The following CTNNA3 variants were observed in gnomAD, a reference collection of about 807,000 sequenced individuals.
CTNNA3 encodes the protein catenin alpha 3, also known as catenin alpha-3.
Under a neutral mutation model 95.7 loss-of-function variants are expected in CTNNA3, and 76 were observed. That is an observed-to-expected ratio of 0.79 (90% CI 0.66 to 0.96). The LOEUF is 0.96. Ranked by LOEUF, CTNNA3 falls within the 40% of genes least tolerant of loss-of-function variation. The pLI, the probability that CTNNA3 is intolerant of heterozygous loss-of-function variation, is 0.00. For missense variants in CTNNA3, 1,191 were observed against 1,089.8 expected, an observed-to-expected ratio of 1.09 and a Z score of -1.31; for synonymous variants, 431 against 374.4, an observed-to-expected ratio of 1.15 and a Z score of -1.74.
intron 7 of CTNNA3, among the ~76,000 whole-genome samples, chr10:66,805,933 T>A (rs902442250): frequency 2.0e-5 from 3 of 152,042 alleles, no homozygotes; most frequent in Admixed American, 6.6e-5. Context: ...CCAAGGAAGT[T>A]TTTTCAGCTT....
intron 10 of CTNNA3, among the ~76,000 whole-genome samples, chr10:66,536,481 CAA>C (rs10676331): frequency 2.6e-5 from 3 of 116,182 alleles, no homozygotes; most frequent in East Asian, 3.4e-4. Flanking sequence ...GACTCTGTCT[CAA>C]AAAAAAAAAA....
chr10:66,685,475 C>T (rs1847263604), intron 9 of CTNNA3, among the ~76,000 whole-genome samples: 1 of 142,716 alleles, frequency 7.0e-6, no homozygotes, highest in Non-Finnish European at 1.5e-5. Flanking sequence ...CGGGTTCTCG[C>T]CATTCTCCTG....
chr10:66,978,552 A>AAATAAAAAAAAAATATATATATATAT, intron 7 of CTNNA3, among the ~76,000 whole-genome samples: 15 of 37,870 alleles, frequency 4.0e-4, no homozygotes, highest in African/African-American at 8.7e-4. Flanking sequence ...AAAAAAAAAA[A>AAATAAAAAAAAAATATATATATATAT]ATATATATAT....
At chr10:66,368,450 T>C (rs2132454716) in intron 12 of CTNNA3, among the ~76,000 whole-genome samples, 1 of 152,170 alleles carries the variant, frequency 6.6e-6, no homozygotes, top group South Asian at 2.1e-4. Flanking sequence ...CCCATGCATT[T>C]GCCATTAAGA....
At chr10:67,428,658 G>A (rs1846001355) in intron 5 of CTNNA3, among the ~76,000 whole-genome samples, 1 of 151,998 alleles carries the variant, frequency 6.6e-6, no homozygotes, top group African/African-American at 2.4e-5. Context: ...GGATTTGTCT[G>A]TGTGGGTGTT....
At chr10:66,978,252 G>T (rs979710021) in intron 7 of CTNNA3, among the ~76,000 whole-genome samples, 1 of 151,892 alleles carries the variant, frequency 6.6e-6, no homozygotes, top group East Asian at 1.9e-4. Context: ...TGGGCCAAGT[G>T]CACTGGCTCA....
At chr10:65,965,750 C>G (rs1362091973) in intron 17 of CTNNA3, among the ~76,000 whole-genome samples, 1 of 151,894 alleles carries the variant, frequency 6.6e-6, no homozygotes, top group Non-Finnish European at 1.5e-5. Context: ...ATTACATCCT[C>G]TTTCAGAACA....
chr10:67,235,668 T>A (rs1865418645), intron 5 of CTNNA3, among the ~76,000 whole-genome samples: 1 of 142,034 alleles, frequency 7.0e-6, no homozygotes, highest in Non-Finnish European at 1.5e-5. Context: ...ACAAATGGGA[T>A]CTAATTAAAC....
chr10:66,927,626 A>G lies in CTNNA3; in HGVS notation c.1048-152102T>C, dbSNP rs1390151118. On this transcript the variant is annotated intron_variant, in intron 7 of 17. Coordinates refer to ENST00000433211, the MANE Select transcript of CTNNA3 (RefSeq NM_013266.4). This position sits in a 1 kb window ranked among gnomAD's most constrained non-coding sequence, Gnocchi z 4.7. ...GTCAGCCTTCAGAACCTTTACTTGC[A>G]GTGGAATAAAATCAGTGTCATAGGA... The G allele has an allele frequency of 1.2e-6, 2 of 1,614,072 alleles. No homozygotes were observed. Among genetic ancestry groups the G allele is most frequent in the African/African-American group, 2.7e-5 (2 of 74,940 alleles).
chr10:67,073,135 A>G (rs917874573), intron 7 of CTNNA3, among the ~76,000 whole-genome samples: 2 of 152,204 alleles, frequency 1.3e-5, no homozygotes, highest in African/African-American at 4.8e-5. Context: ...TCCCTTCTGA[A>G]ATTTTAGTTC....
intron 12 of CTNNA3, among the ~76,000 whole-genome samples, chr10:66,331,814 A>G (rs1287037617): frequency 3.9e-5 from 6 of 151,938 alleles, no homozygotes; most frequent in Non-Finnish European, 8.8e-5. Flanking sequence ...TGAACTTTAA[A>G]GTAGTTTTTT....
chr10:66,653,414 C>T (rs1325112052), intron 9 of CTNNA3, among the ~76,000 whole-genome samples: 1 of 151,442 alleles, frequency 6.6e-6, no homozygotes, highest in Admixed American at 6.6e-5. Flanking sequence ...AGGTAAAAGA[C>T]CTGTGGATTG....
chr10:66,926,380 T>C, intron 7 of CTNNA3: 1 of 662,290 alleles, frequency 1.5e-6, no homozygotes, highest in South Asian at 1.8e-5. Flanking sequence ...AATGCGGTGT[T>C]GGGATTTATT....
intron 7 of CTNNA3, among the ~76,000 whole-genome samples, chr10:67,089,648 C>T (rs1284444487): frequency 6.6e-6 from 1 of 151,688 alleles, no homozygotes; most frequent in Non-Finnish European, 1.5e-5. Flanking sequence ...CCTCATTTGG[C>T]ACACATAAAG....
intron 11 of CTNNA3, among the ~76,000 whole-genome samples, chr10:66,493,900 G>C (rs1840013356): frequency 1.4e-5 from 2 of 142,358 alleles, no homozygotes; most frequent in African/African-American, 5.4e-5. Context: ...CCACTGCGCC[G>C]GCCTTTTTTT....
intron 10 of CTNNA3, among the ~76,000 whole-genome samples, chr10:66,544,939 C>A (rs1841990741): frequency 6.6e-6 from 1 of 152,118 alleles, no homozygotes; most frequent in South Asian, 2.1e-4. Flanking sequence ...TGTAACAAAC[C>A]ATTATCTTCT....
At position 66,331,251 on chromosome 10, in the gene CTNNA3, T is replaced by C. The variant is rs562857064; in HGVS notation, c.1732+47901A>G. On this transcript the variant is annotated intron_variant, in intron 12 of 17. Coordinates refer to ENST00000433211, the MANE Select transcript of CTNNA3 (RefSeq NM_013266.4). Reference sequence around the variant, plus strand: ...CTTGAATTAATTTGTGTATAAGGTGTAAGGAAGGGATCCAGTTTTAGCTTT... The same window carrying C: ...CTTGAATTAATTTGTGTATAAGGTGCAAGGAAGGGATCCAGTTTTAGCTTT... 6.3e-4 allele frequency among the ~76,000 whole-genome samples: 96 copies of C among 151,630 alleles called. 1 individual carries two copies. Among genetic ancestry groups the C allele is most frequent in the Non-Finnish European group, 1.0e-3 (70 of 67,886 alleles).
intron 13 of CTNNA3, among the ~76,000 whole-genome samples, chr10:66,236,828 A>G (rs543846411): frequency 1.4e-5 from 2 of 145,154 alleles, no homozygotes; most frequent in South Asian, 4.3e-4. Context: ...AAAAGCCTCA[A>G]ATACAGCCAG....
chr10:66,598,200 A>G (rs1236704867), intron 10 of CTNNA3, among the ~76,000 whole-genome samples: 1 of 152,100 alleles, frequency 6.6e-6, no homozygotes, highest in African/African-American at 2.4e-5. Flanking sequence ...GCATTTGATA[A>G]TATTTGACAT....
Sources: allele counts gnomAD v4.1 joint callset (sites outside exome capture counted in the v4.1 genomes callset), GRCh38; gene constraint gnomAD v4.1.1; non-coding constraint Gnocchi (gnomAD v3.1); transcripts MANE v1.5; gene names NCBI Gene and HGNC (gene_info 2026-07-23, HGNC 2026-07-21).